SHISA9: variants seen among roughly 807,000 people sequenced by gnomAD.
SHISA9 encodes the protein protein shisa-9.
Under a neutral mutation model 38.0 loss-of-function variants are expected in SHISA9, and 13 were observed. The observed-to-expected ratio is 0.34, with a 90% CI of 0.22 to 0.54. The LOEUF (loss-of-function observed/expected upper bound fraction) is 0.54, where lower values mean the gene tolerates loss of function less well. Among genes scored for constraint, SHISA9 ranks in the 20% least tolerant of loss-of-function variants. SHISA9 has a pLI of 0.91. For synonymous variants in SHISA9, 275 were observed against 242.0 expected, an observed-to-expected ratio of 1.14 and a Z score of -1.27; for missense variants, 538 against 575.8, an observed-to-expected ratio of 0.93 and a Z score of 0.67.
At chr16:13,108,394 C>G (rs59555561) in intron 2 of SHISA9, among the ~76,000 whole-genome samples, 2 of 152,110 alleles carry the variant, frequency 1.3e-5, no homozygotes, top group Non-Finnish European at 2.9e-5. Context: ...CTTCCTGAGT[C>G]GCTGGGACTG....
chr16:13,504,204 T>G, the SHISA9 span, among the ~76,000 whole-genome samples: 10 of 152,154 alleles, frequency 6.6e-5, no homozygotes, highest in African/African-American at 2.2e-4. Flanking sequence ...AGTTGCATAA[T>G]TCACATAAAG....
the SHISA9 span, among the ~76,000 whole-genome samples, chr16:13,363,151 G>A: frequency 6.6e-6 from 1 of 152,276 alleles, no homozygotes; most frequent in African/African-American, 2.4e-5. Context: ...GTCTATATGG[G>A]TAAACAAGCA....
intron 1 of SHISA9, among the ~76,000 whole-genome samples, chr16:12,905,838 C>T (rs1421411240): frequency 6.6e-6 from 1 of 152,034 alleles, no homozygotes; most frequent in Non-Finnish European, 1.5e-5. Context: ...TGACCTCATG[C>T]GATCCTTTCA....
chr16:13,469,980 CCTT>C, the SHISA9 span, among the ~76,000 whole-genome samples: 2 of 152,180 alleles, frequency 1.3e-5, no homozygotes, highest in African/African-American at 4.8e-5. Flanking sequence ...TTGAACATCT[CCTT>C]CTTGGGGCTA....
At chr16:13,166,763 A>G (rs1338236338) in intron 2 of SHISA9, among the ~76,000 whole-genome samples, 1 of 152,188 alleles carries the variant, frequency 6.6e-6, no homozygotes, top group Admixed American at 6.6e-5. Flanking sequence ...GATCTTCACA[A>G]GGTGGTTGTG....
chr16:13,468,670 T>C, the SHISA9 span, among the ~76,000 whole-genome samples: 1 of 152,076 alleles, frequency 6.6e-6, no homozygotes, highest in African/African-American at 2.4e-5. Flanking sequence ...AGACTGGTCC[T>C]CAAAGAAATC....
the SHISA9 span, among the ~76,000 whole-genome samples, chr16:13,391,350 C>T: frequency 6.6e-6 from 1 of 152,120 alleles, no homozygotes; most frequent in Admixed American, 6.5e-5. Flanking sequence ...GTAAGCAAAA[C>T]TGTAGCTCTG....
chr16:13,338,000 G>C, the SHISA9 span, among the ~76,000 whole-genome samples: 1 of 152,172 alleles, frequency 6.6e-6, no homozygotes, highest in Non-Finnish European at 1.5e-5. Context: ...CCCAGTCTCA[G>C]GTAGTTCTTA....
the SHISA9 span, among the ~76,000 whole-genome samples, chr16:13,348,474 G>T: frequency 5.9e-5 from 9 of 151,816 alleles, no homozygotes; most frequent in Non-Finnish European, 1.3e-4. Flanking sequence ...CTTAATGTAC[G>T]GGTGAGGAAT....
chr16:12,997,955 C>G (rs117121575), intron 2 of SHISA9, among the ~76,000 whole-genome samples: 6,929 of 152,190 alleles, frequency 0.046, 230 homozygotes, highest in Non-Finnish European at 0.068. Context: ...TTATACACGG[C>G]GTGTAATAGG....
chr16:13,181,548 G>A lies in SHISA9; in HGVS notation c.692-21846G>A, dbSNP rs550879912. ...TAGGTGCGGGATCATGCAGGACCTTGTCATACATGGTATGGGTTTTGATTT... is the reference window on the plus strand; with the variant it reads ...TAGGTGCGGGATCATGCAGGACCTTATCATACATGGTATGGGTTTTGATTT... On this transcript the variant is annotated intron_variant, in intron 2 of 4. Transcript: ENST00000558583. 1.8e-3 allele frequency among the ~76,000 whole-genome samples: 270 copies of A among 151,982 alleles called. 1 individual carries two copies. The highest frequency in any genetic ancestry group is 6.0e-3 in the African/African-American group (248 of 41,470).
At chr16:13,553,228 C>G in the SHISA9 span, among the ~76,000 whole-genome samples, 2 of 152,180 alleles carry the variant, frequency 1.3e-5, no homozygotes, top group Non-Finnish European at 2.9e-5. Flanking sequence ...TAGGACTATT[C>G]ATTTCCCCAT....
chr16:13,184,753 C>T (rs543289206), intron 2 of SHISA9, among the ~76,000 whole-genome samples: 5 of 152,330 alleles, frequency 3.3e-5, no homozygotes, highest in African/African-American at 1.2e-4. Context: ...TAGCATGATG[C>T]ATGTATTAAT....
At chr16:13,322,124 A>G in the SHISA9 span, among the ~76,000 whole-genome samples, 2 of 152,222 alleles carry the variant, frequency 1.3e-5, no homozygotes, top group African/African-American at 4.8e-5. Flanking sequence ...GCTACGTAGT[A>G]TATTATCTCT....
At chr16:12,932,077 C>T (rs767705362) in intron 2 of SHISA9, among the ~76,000 whole-genome samples, 2 of 152,144 alleles carry the variant, frequency 1.3e-5, no homozygotes, top group Admixed American at 6.5e-5. Flanking sequence ...TGCCTGCCAC[C>T]ATGTAAGATG....
intron 2 of SHISA9, among the ~76,000 whole-genome samples, chr16:12,968,546 T>C (rs549396423): frequency 9.6e-4 from 146 of 152,304 alleles, no homozygotes; most frequent in African/African-American, 3.3e-3. Context: ...ATAAATAAAT[T>C]GCTTTGTAAT....
At chr16:13,080,043 C>T (rs187246383) in intron 2 of SHISA9, among the ~76,000 whole-genome samples, 3 of 152,068 alleles carry the variant, frequency 2.0e-5, no homozygotes, top group East Asian at 1.9e-4. Flanking sequence ...AAATTTTAGG[C>T]GTCTAGAAAG....
the SHISA9 span, among the ~76,000 whole-genome samples, chr16:13,357,030 G>C: frequency 8.7e-3 from 1,331 of 152,150 alleles, 16 homozygotes; most frequent in African/African-American, 0.03. Flanking sequence ...AATGGAAGGT[G>C]GAAGCTTACC....
chr16:13,419,663 G>A, the SHISA9 span, among the ~76,000 whole-genome samples: 3 of 152,140 alleles, frequency 2.0e-5, no homozygotes, highest in Admixed American at 6.5e-5. Flanking sequence ...GAAGACCAGG[G>A]TTGGCCAGAT....
Sources: gnomAD v4.1 joint callset for allele counts (sites outside exome capture counted in the v4.1 genomes callset) on GRCh38, gnomAD v4.1.1 for gene constraint, MANE v1.5 for transcripts, NCBI Gene and HGNC (gene_info 2026-07-23, HGNC 2026-07-21) for gene names.